The following CCDC57 variants were observed in gnomAD, a reference collection of about 807,000 sequenced individuals.
CCDC57 encodes the protein coiled-coil domain containing 57, also known as coiled-coil domain-containing protein 57.
CCDC57 carries 118 observed loss-of-function variants against 118.9 expected under a neutral mutation model. The observed-to-expected ratio is 0.99, with a 90% CI of 0.86 to 1.16. The LOEUF (loss-of-function observed/expected upper bound fraction) is 1.16, where lower values mean the gene tolerates loss of function less well. Among genes scored for constraint, CCDC57 ranks in the 50% most tolerant of loss-of-function variants. The pLI is 0.00. For synonymous variants in CCDC57, 527 were observed against 532.9 expected (o/e 0.99, Z 0.15); for missense variants, 1,300 against 1,320.7 (o/e 0.98, Z 0.24).
chr17:82,176,574 G>A (rs2045528012), intron 11 of CCDC57, among the ~76,000 whole-genome samples: 1 of 152,100 alleles, frequency 6.6e-6, no homozygotes, highest in Non-Finnish European at 1.5e-5. Context: ...AAACAGTGTG[G>A]GCTCCCAGAG....
intron 19 of CCDC57, chr17:82,126,444 A>G (rs1366411424): frequency 9.2e-6 from 9 of 979,166 alleles, no homozygotes; most frequent in Non-Finnish European, 1.1e-5. Context: ...AATTTCTATC[A>G]CATATAATGA....
intron 16 of CCDC57, chr17:82,145,715 G>C (rs2040637439): frequency 5.2e-6 from 2 of 381,504 alleles, no homozygotes; most frequent in Non-Finnish European, 1.1e-5. Flanking sequence ...TGCAGGCAGG[G>C]TCCCACAGCA....
chr17:82,110,337 A>G (rs1482452972), intron 19 of CCDC57, among the ~76,000 whole-genome samples: 1 of 152,192 alleles, frequency 6.6e-6, no homozygotes, highest in African/African-American at 2.4e-5. Flanking sequence ...AAAAATAAAT[A>G]AAAAGGTACA....
chr17:82,190,873 T>C (rs1421672513), intron 7 of CCDC57, among the ~76,000 whole-genome samples: 2 of 151,380 alleles, frequency 1.3e-5, no homozygotes, highest in Non-Finnish European at 2.9e-5. Flanking sequence ...CATGGCGCTC[T>C]TTGGAAAGGA....
intron 4 of CCDC57, among the ~76,000 whole-genome samples, chr17:82,195,655 C>T (rs1252419986): frequency 6.6e-6 from 1 of 152,104 alleles, no homozygotes; most frequent in Non-Finnish European, 1.5e-5. Flanking sequence ...TCCTTATCTC[C>T]ATTGAGTCAA....
chr17:82,192,108 GC>G lies in CCDC57; in HGVS notation c.851+1647del, dbSNP rs911761157. On this transcript the variant is annotated intron_variant, in intron 7 of 19. Transcript: ENST00000665763. This position sits in a 1 kb window ranked among gnomAD's most constrained non-coding sequence, Gnocchi z 4.0. ...TCAAGTGATTCCCCTGCCTCAGCCT[GC>G]CAAGTAGCTGGGATTACAGGCGTGC... Among the ~76,000 whole-genome samples, 1 of 150,914 alleles carries G rather than the reference GC, an allele frequency of 6.6e-6. No individual in the cohort carries two copies. Among genetic ancestry groups the G allele is most frequent in the Non-Finnish European group, 1.5e-5 (1 of 67,758 alleles).
chr17:82,158,453 C>A (rs9901946), intron 14 of CCDC57, among the ~76,000 whole-genome samples: 1 of 151,706 alleles, frequency 6.6e-6, no homozygotes, highest in Non-Finnish European at 1.5e-5. Context: ...CTTGGGAGGC[C>A]GAGGAGGGTG....
intron 11 of CCDC57, 88 bp downstream of exon 10, chr17:82,178,386 C>T (rs908376782): frequency 7.6e-5 from 109 of 1,430,116 alleles, no homozygotes; most frequent in Non-Finnish European, 9.9e-5. Flanking sequence ...AGACTTAGCT[C>T]CAGTCTTGGT....
intron 5 of CCDC57, among the ~76,000 whole-genome samples, chr17:82,194,592 G>C (rs901717297): frequency 6.6e-6 from 1 of 152,240 alleles, no homozygotes; most frequent in Non-Finnish European, 1.5e-5. Flanking sequence ...TTACAGGTGT[G>C]AGCCACCGTG....
chr17:82,182,463 C>G (rs1347064439), intron 9 of CCDC57, among the ~76,000 whole-genome samples: 1 of 151,568 alleles, frequency 6.6e-6, no homozygotes, highest in Non-Finnish European at 1.5e-5. Context: ...AAGTGATTCT[C>G]CTGCCTCAGC....
Position 82,192,460 on chromosome 17 carries a change from C to A in CCDC57, c.851+1296G>T, listed in dbSNP as rs1383300015. Among the ~76,000 whole-genome samples the A allele has an allele frequency of 6.6e-6, 1 of 152,146 alleles. No individual in the cohort carries two copies. Among genetic ancestry groups the A allele is most frequent in the Non-Finnish European group, 1.5e-5 (1 of 68,026 alleles). On this transcript the variant is annotated intron_variant, in intron 7 of 19. Coordinates refer to ENST00000665763, the Ensembl canonical transcript of CCDC57. This position sits in a 1 kb window ranked among gnomAD's most constrained non-coding sequence, Gnocchi z 4.0. The stretch of plus-strand genomic sequence containing the variant: ...CCTCATGGGGCTAGATGCCCCTAAC[C>A]CCCTCACTGTTTAAGCATCAACTGT...
chr17:82,148,347 AGGTGGGTG>A lies in CCDC57; in HGVS notation c.2455+3205_2455+3212del, dbSNP rs2041211456. Among the ~76,000 whole-genome samples the A allele has an allele frequency of 2.3e-3, 39 of 16,796 alleles. 2 individuals carry two copies. The highest frequency in any genetic ancestry group is 9.3e-3 in the South Asian group (3 of 324). The allele number at this position is 16,796 out of a possible 152,430, so 11.0% of individuals were successfully genotyped here. A position where few individuals can be genotyped will look rare whatever the true frequency, so the allele number is the denominator to read the frequency against. ...TGGGTGGATGGATGGATGGATGGAT[AGGTGGGTG>A]GATGGATGGGTGGATGGGTGGGTGG... On this transcript the variant is annotated intron_variant, in intron 16 of 19. Transcript: ENST00000665763.
chr17:82,193,860 G>A (rs2146736130), intron 6 of CCDC57, 30 bp from the exon 6 acceptor site: 1 of 1,573,298 alleles, frequency 6.4e-7, no homozygotes, highest in Non-Finnish European at 8.6e-7. Flanking sequence ...TATGGAAGGA[G>A]CAAGTGAGAT....
At chr17:82,145,026 C>CTTTTTTTTTTTTT (rs63184860) in intron 16 of CCDC57, among the ~76,000 whole-genome samples, 2 of 120,262 alleles carry the variant, frequency 1.7e-5, no homozygotes, top group Non-Finnish European at 1.7e-5. Context: ...TTTTTTTTTT[C>CTTTTTTTTTTTTT]TTTTTTTTTT....
Position 82,188,352 on chromosome 17 carries a change from C to T in CCDC57, c.919G>A (p.Val307Met), listed in dbSNP as rs768468881. The change falls in exon 8 of 20, where the codon GTG (valine) becomes ATG (methionine). Residue 307 changes from valine (V) to methionine (M), a missense_variant. Val to Met is a conservative substitution (Grantham distance 21, BLOSUM62 1). Transcript: ENST00000665763. ...GTCTGCAGCTCCTGCAGCTGCTCCA[C>T]GTGGGCTCCCTTCACCGCCACCAGC... The T allele has an allele frequency of 3.1e-6, 5 of 1,610,792 alleles. 1 individual carries two copies. The South Asian group carries it at 4.4e-5, about 14-fold the overall frequency.
At chr17:82,168,259 C>G (rs1349435132) in intron 13 of CCDC57, among the ~76,000 whole-genome samples, 1 of 152,172 alleles carries the variant, frequency 6.6e-6, no homozygotes, top group Non-Finnish European at 1.5e-5. Context: ...AGTCACTGTC[C>G]CCTGTGGGCT....
chr17:82,161,335 C>T (rs1338573851), intron 14 of CCDC57, among the ~76,000 whole-genome samples: 2 of 152,100 alleles, frequency 1.3e-5, no homozygotes, highest in Admixed American at 1.3e-4. Flanking sequence ...CTGGGGAAAA[C>T]AGCACGGTGG....
At chr17:82,197,635 T>C (rs1171408620) in intron 4 of CCDC57, among the ~76,000 whole-genome samples, 1 of 152,240 alleles carries the variant, frequency 6.6e-6, no homozygotes, top group Non-Finnish European at 1.5e-5. Context: ...ATGTGTCAAA[T>C]GACTGGGCTA....
At chr17:82,132,196 G>A (rs1411050993) in intron 17 of CCDC57, among the ~76,000 whole-genome samples, 1 of 151,380 alleles carries the variant, frequency 6.6e-6, no homozygotes, top group East Asian at 1.9e-4. Context: ...ATAAGGTCAA[G>A]CTTGCTCTAA....
Sources: gnomAD v4.1 joint callset for allele counts (sites outside exome capture counted in the v4.1 genomes callset) on GRCh38, gnomAD v4.1.1 for gene constraint, Gnocchi (gnomAD v3.1) non-coding constraint, MANE v1.5 for transcripts, NCBI Gene and HGNC (gene_info 2026-07-23, HGNC 2026-07-21) for gene names.